The following LRRC37A3 variants were observed in gnomAD, a reference collection of about 807,000 sequenced individuals.
LRRC37A3 encodes leucine rich repeat containing 37 member A3.
A neutral mutation model predicts 106.2 loss-of-function variants in LRRC37A3; 25 were observed. The observed-to-expected ratio is 0.24, with a 90% CI of 0.17 to 0.33. LRRC37A3 has a LOEUF of 0.33. Ranked by LOEUF, LRRC37A3 falls within the 10% of genes least tolerant of loss-of-function variation. LRRC37A3 has a pLI of 1.00. For missense variants in LRRC37A3, 712 were observed against 1,644.9 expected (o/e 0.43, Z 9.81); for synonymous variants, 305 against 635.8 (o/e 0.48, Z 7.83).
chr17:64,854,786 T>G (rs1424007827), intron 14 of LRRC37A3, 142 bp from the exon 15 acceptor site: 1 of 1,611,618 alleles, frequency 6.2e-7, no homozygotes, highest in African/African-American at 1.3e-5. Context: ...CCTCATTAGA[T>G]GACTTCTTGT....
At position 64,916,391 on chromosome 17, in the gene LRRC37A3, G is replaced by A. The variant is rs565418417; in HGVS notation, c.-496+2359C>T. ...CTGCACTCCAGCCTGGCGACACAGC[G>A]AGACTCCGTCTCAAATAAATAAATA... On this transcript the variant is annotated intron_variant, in intron 2 of 14. Transcript: ENST00000584306. 2.2e-4 allele frequency among the ~76,000 whole-genome samples: 34 copies of A among 152,246 alleles called. No individual in the cohort carries two copies. The South Asian group carries it at 4.8e-3, about 21-fold the overall frequency.
intron 8 of LRRC37A3, among the ~76,000 whole-genome samples, chr17:64,875,968 A>T (rs1470049133): frequency 6.6e-6 from 1 of 152,146 alleles, no homozygotes; most frequent in Non-Finnish European, 1.5e-5. Context: ...GTTGGAATTA[A>T]TCTGAACTAC....
At chr17:64,861,081 G>A (rs967626705) in intron 11 of LRRC37A3, 108 bp from the exon 12 acceptor site, 4 of 1,566,568 alleles carry the variant, frequency 2.6e-6, no homozygotes, top group African/African-American at 1.4e-5. Context: ...GCAAACATTC[G>A]AGTGCCATTC....
In LRRC37A3 at chr17:64,859,745, C is replaced by T. The variant is rs369882842; in HGVS notation, c.4401G>A (p.Ser1467=). 1.3e-4 allele frequency: 208 copies of T among 1,613,062 alleles called. No homozygotes were observed. The highest frequency in any genetic ancestry group is 7.6e-4 in the African/African-American group (57 of 74,820). Residue 1467 remains serine, a synonymous_variant, in exon 12 of 15, where the codon TCG becomes TCA. Coordinates refer to ENST00000584306, the MANE Select transcript of LRRC37A3 (RefSeq NM_199340.5). ...EPKSFNYPLL[S]SPGDQFEIQL... is the part of the protein sequence containing the mutation. ...GAATTTCAAACTGATCACCTGGGGA[C>T]GAGAGCAATGGGTAATTGAAGCTTT...
intron 8 of LRRC37A3, among the ~76,000 whole-genome samples, chr17:64,884,344 G>GATTATT: frequency 6.6e-6 from 1 of 151,624 alleles, no homozygotes; most frequent in African/African-American, 2.4e-5. Context: ...TGATGACGAT[G>GATTATT]ATGATTATTA....
chr17:64,899,742 T>TTCTAACAA, intron 2 of LRRC37A3: 1 of 148,490 alleles, frequency 6.7e-6, no homozygotes, highest in South Asian at 2.1e-4. Context: ...ACAAGGCCTG[T>TTCTAACAA]GTTCGAGCAG....
rs766869265 is a variant in LRRC37A3, at chr17:64,859,767, C to A, written c.4379G>T (p.Ser1460Ile). The change falls in exon 12 of 15, where the codon AGC (serine) becomes ATC (isoleucine). Residue 1460 changes from serine to isoleucine, a missense_variant. Coordinates refer to ENST00000584306, the MANE Select transcript of LRRC37A3 (RefSeq NM_199340.5). ...GGACGAGAGCAATGGGTAATTGAAGCTTTTGGGCTCGGGGGACAGGTCAGT... is the reference window on the plus strand; with the variant it reads ...GGACGAGAGCAATGGGTAATTGAAGATTTTGGGCTCGGGGGACAGGTCAGT... Reference protein sequence around the residue: ...VGTDLSPEPKSFNYPLLSSPG... With the variant: ...VGTDLSPEPKIFNYPLLSSPG... 1.9e-6 allele frequency: 3 copies of A among 1,612,482 alleles called. No individual in the cohort carries two copies. The highest frequency in any genetic ancestry group is 2.7e-5 in the African/African-American group (2 of 74,726).
intron 8 of LRRC37A3, chr17:64,881,070 T>C: frequency 1.4e-6 from 1 of 700,486 alleles, no homozygotes; most frequent in Non-Finnish European, 2.6e-6. Flanking sequence ...ATATGCGCGA[T>C]GTACTTGGGG....
chr17:64,863,529 A>T (rs1250958401), intron 10 of LRRC37A3: 1 of 157,416 alleles, frequency 6.4e-6, no homozygotes, highest in African/African-American at 2.4e-5. Flanking sequence ...GAATAACAAC[A>T]ATAAGTTACA....
At position 64,866,559 on chromosome 17, in the gene LRRC37A3, CAT is replaced by C. The variant is rs750630548; in HGVS notation, c.3053+1901_3053+1902del. ...GCATATATATACATATATACACGTA[CAT>C]ATATATATATATACATATATACACG... On this transcript the variant is annotated intron_variant, in intron 10 of 14. Transcript: ENST00000584306. Among the ~76,000 whole-genome samples, 39 of 82,304 alleles carry C rather than the reference CAT, an allele frequency of 4.7e-4. 1 individual carries two copies. Among genetic ancestry groups the C allele is most frequent in the Non-Finnish European group, 6.6e-4 (30 of 45,750 alleles). The allele number at this position is 82,304 out of a possible 152,430, so 54.0% of individuals were successfully genotyped here.
Position 64,868,526 on chromosome 17 carries a change from T to C in LRRC37A3, c.2989A>G (p.Thr997Ala), listed in dbSNP as rs1454912686. The change falls in exon 10 of 15, where the codon ACA becomes GCA. Residue 997 changes from threonine (T) to alanine (A), a missense_variant. By Grantham distance (58) the Thr-to-Ala change is moderately conservative. Transcript: ENST00000584306. ...AGTGTTGTAAGTGGGACTAGCGTTG[T>C]TCCCATGTCTCTGAAGAAGAAAGCC... ...LPALKYLDMG[T>A]TLVPLTTLKN... 1.2e-6 allele frequency: 2 copies of C among 1,609,628 alleles called. No homozygotes were observed. Among genetic ancestry groups the C allele is most frequent in the Non-Finnish European group, 1.7e-6 (2 of 1,177,978 alleles).
At chr17:64,883,916 CA>C (rs1245562181) in intron 8 of LRRC37A3, among the ~76,000 whole-genome samples, 1 of 126,518 alleles carries the variant, frequency 7.9e-6, no homozygotes, top group Non-Finnish European at 1.6e-5. Flanking sequence ...TGCTAGTTTC[CA>C]ATATCAGCTA....
chr17:64,874,255 G>A (rs2143469046), intron 8 of LRRC37A3, among the ~76,000 whole-genome samples: 1 of 152,364 alleles, frequency 6.6e-6, no homozygotes, highest in African/African-American at 2.4e-5. Context: ...AAAATAACTG[G>A]GCATGCCCGT....
chr17:64,874,485 GC>G (rs1192503347), intron 8 of LRRC37A3, among the ~76,000 whole-genome samples: 3 of 145,038 alleles, frequency 2.1e-5, no homozygotes, highest in Admixed American at 1.4e-4. Context: ...GTGGGGGCCA[GC>G]CCCCGCCCGG....
intron 11 of LRRC37A3, among the ~76,000 whole-genome samples, chr17:64,861,739 A>C (rs1319230365): frequency 2.0e-5 from 3 of 152,214 alleles, no homozygotes; most frequent in African/African-American, 7.2e-5. Context: ...TTGAGGTCCT[A>C]AAATGCAGAA....
At chr17:64,872,632 A>G (rs980843998) in intron 8 of LRRC37A3, among the ~76,000 whole-genome samples, 2 of 152,230 alleles carry the variant, frequency 1.3e-5, no homozygotes, top group African/African-American at 4.8e-5. Flanking sequence ...TCGGCAATGA[A>G]TAACAGTTTG....
chr17:64,855,287 T>A (rs1466457725), intron 14 of LRRC37A3, among the ~76,000 whole-genome samples: 2 of 150,642 alleles, frequency 1.3e-5, no homozygotes, highest in Non-Finnish European at 3.0e-5. Context: ...AGGACTCACA[T>A]ATCCTACCTT....
At chr17:64,855,767 A>C in intron 14 of LRRC37A3, 73 bp downstream of exon 14, 2 of 1,603,984 alleles carry the variant, frequency 1.2e-6, no homozygotes, top group Non-Finnish European at 1.7e-6. Flanking sequence ...GCGTCATTGC[A>C]CTCCAGCCTG....
In LRRC37A3 at chr17:64,874,391, T is replaced by C. The variant is rs557365417; in HGVS notation, c.2907-5225A>G. Among the ~76,000 whole-genome samples, 10 of 149,192 alleles carry C rather than the reference T, an allele frequency of 6.7e-5. No individual in the cohort carries two copies. In the South Asian group the frequency reaches 1.3e-3, roughly 19 times the overall value. ...CCCGGCAGCCGCCCCGTCTGAGAAG[T>C]GAGGAGCCCCTCCGCCCGGCAGTCG... On this transcript the variant is annotated intron_variant, in intron 8 of 14. Coordinates refer to ENST00000584306, the MANE Select transcript of LRRC37A3 (RefSeq NM_199340.5).
Sources: allele counts gnomAD v4.1 joint callset (sites outside exome capture counted in the v4.1 genomes callset), GRCh38; gene constraint gnomAD v4.1.1; transcripts MANE v1.5; gene names NCBI Gene and HGNC (gene_info 2026-07-23, HGNC 2026-07-21).